The following CD99 variants were observed in gnomAD, a reference collection of about 807,000 sequenced individuals.
CD99 encodes CD99 antigen.
CD99 carries 19 observed loss-of-function variants against 28.4 expected under a neutral mutation model. That is an observed-to-expected ratio of 0.67 (90% CI 0.47 to 0.98). The LOEUF is 0.98. Ranked by LOEUF, CD99 falls within the 50% of genes least tolerant of loss-of-function variation. CD99 has a pLI of 0.00. For missense variants in CD99, 283 were observed against 248.8 expected (o/e 1.14, Z -0.92); for synonymous variants, 103 against 92.1 (o/e 1.12, Z -0.67).
chrX:2,714,371 A>C lies in CD99; in HGVS notation c.68-51A>C, dbSNP rs1197761318. On this transcript the variant is annotated intron_variant, in intron 1 of 9. Coordinates refer to ENST00000381192, the MANE Select transcript of CD99 (RefSeq NM_002414.5). ...TCTTTTTTATCTCTATAATATTCAA[A>C]TTTATTTTTATTTTTCTTGTTTCTA... 35 of 1,421,530 alleles carry C rather than the reference A, an allele frequency of 2.5e-5. No homozygotes were observed. The East Asian group carries it at 7.5e-4, about 31-fold the overall frequency. 88.1% of individuals were successfully genotyped at this position (1,421,530 alleles called of 1,614,324 possible).
At chrX:2,717,773 T>C in intron 3 of CD99, 121 bp downstream of exon 3, 2 of 808,614 alleles carry the variant, frequency 2.5e-6, no homozygotes, top group Admixed American at 4.3e-5. Context: ...GGCTGGAGTC[T>C]GGTTAATAGT....
intron 1 of CD99, chrX:2,692,253 A>G (rs2047349884): frequency 8.1e-6 from 1 of 122,734 alleles, no homozygotes. Context: ...CATGTTATAA[A>G]TTCTTTTTTC....
At chrX:2,719,921 T>C (rs2048914926) in intron 4 of CD99, among the ~76,000 whole-genome samples, 1 of 152,190 alleles carries the variant, frequency 6.6e-6, no homozygotes, top group Non-Finnish European at 1.5e-5. Context: ...CTTACAGTCT[T>C]TGGAAGGACA....
chrX:2,728,349 C>T (rs1465971059), intron 8 of CD99, among the ~76,000 whole-genome samples: 1 of 151,882 alleles, frequency 6.6e-6, no homozygotes, highest in Non-Finnish European at 1.5e-5. Context: ...ATGTGCACCA[C>T]CACGCACAGC....
At chrX:2,693,540 G>A (rs188306161) in intron 1 of CD99, among the ~76,000 whole-genome samples, 23 of 152,178 alleles carry the variant, frequency 1.5e-4, no homozygotes, top group African/African-American at 5.3e-4. Context: ...ACGTTTCATC[G>A]GGAAAGTTGA....
At chrX:2,704,396 G>GCAGTTTAAC (rs200632705) in intron 1 of CD99, among the ~76,000 whole-genome samples, 5,899 of 152,120 alleles carry the variant, frequency 0.039, 130 homozygotes, top group African/African-American at 0.056. Flanking sequence ...GGAAGTATAT[G>GCAGTTTAAC]CAGTTTAACC....
chrX:2,695,624 C>A (rs2047536565), intron 1 of CD99, among the ~76,000 whole-genome samples: 1 of 147,448 alleles, frequency 6.8e-6, no homozygotes, highest in African/African-American at 2.6e-5. Context: ...GTTGCCCAGA[C>A]TGAAAAAAAA....
At chrX:2,726,975 A>C (rs1463091047) in intron 8 of CD99, among the ~76,000 whole-genome samples, 1 of 152,068 alleles carries the variant, frequency 6.6e-6, no homozygotes, top group Non-Finnish European at 1.5e-5. Context: ...GTCTCTACTA[A>C]AAATACAAAA....
chrX:2,691,813 C>A, intron 1 of CD99: 1 of 776,214 alleles, frequency 1.3e-6, no homozygotes, highest in Non-Finnish European at 2.4e-6. Flanking sequence ...GTCTTCAGGC[C>A]GCGCGCGGAG....
chrX:2,715,047 AG>A (rs1428909835), intron 2 of CD99: 1 of 152,298 alleles, frequency 6.6e-6, no homozygotes, highest in Non-Finnish European at 1.5e-5. Context: ...CCCAGGAGAG[AG>A]GGGCATCCAG....
intron 8 of CD99, among the ~76,000 whole-genome samples, chrX:2,732,365 C>G (rs1225028686): frequency 6.6e-6 from 1 of 152,146 alleles, no homozygotes; most frequent in Non-Finnish European, 1.5e-5. Context: ...GGTCCTACTG[C>G]TCTGTTTGCC....
chrX:2,732,376 AGG>A (rs1335427041), intron 8 of CD99, among the ~76,000 whole-genome samples: 1 of 152,056 alleles, frequency 6.6e-6, no homozygotes, highest in Non-Finnish European at 1.5e-5. Context: ...TCTGTTTGCC[AGG>A]GTCCTGGGCT....
rs200690353 is a variant in CD99 at position 2,728,711 on chromosome X, C to CA, written c.475+2339dup. On this transcript the variant is annotated intron_variant, in intron 8 of 9. Transcript: ENST00000381192. ...GGAATTTTTGTTTGCTTTTCAATGA[C>CA]ATTTCTTTTTCTTTTCTGAAACTGT... Among the ~76,000 whole-genome samples, 1,455 of 152,124 alleles carry CA rather than the reference C, an allele frequency of 9.6e-3. 26 individuals are homozygous for CA. The highest frequency in any genetic ancestry group is 0.034 in the African/African-American group (1,401 of 41,516).
chrX:2,739,412 A>G (rs1245852118), intron 9 of CD99, among the ~76,000 whole-genome samples: 2 of 152,004 alleles, frequency 1.3e-5, no homozygotes, highest in African/African-American at 4.8e-5. Context: ...GCAGCTGTCA[A>G]ATTGAGAGGG....
intron 3 of CD99, 191 bp downstream of exon 3, chrX:2,717,843 T>C: frequency 1.6e-6 from 1 of 608,100 alleles, no homozygotes; most frequent in Non-Finnish European, 3.0e-6. Context: ...AAAAGAATGG[T>C]TGCTGATGTG....
At chrX:2,709,525 G>A (rs2048287242) in intron 1 of CD99, among the ~76,000 whole-genome samples, 1 of 152,260 alleles carries the variant, frequency 6.6e-6, no homozygotes. Flanking sequence ...AAACACGTGT[G>A]CACACACATG....
At chrX:2,697,572 A>T (rs979488191) in intron 1 of CD99, among the ~76,000 whole-genome samples, 3 of 152,130 alleles carry the variant, frequency 2.0e-5, no homozygotes, top group Admixed American at 1.3e-4. Flanking sequence ...CCACGAGGGG[A>T]TGCTGACCAG....
intron 8 of CD99, chrX:2,733,535 G>A (rs2049786075): frequency 1.4e-6 from 1 of 727,190 alleles, no homozygotes; most frequent in Admixed American, 2.4e-5. Context: ...CGGATTCTCT[G>A]CCTTCAGTTC....
intron 1 of CD99, among the ~76,000 whole-genome samples, chrX:2,713,176 A>T (rs972232868): frequency 9.9e-5 from 15 of 151,920 alleles, no homozygotes; most frequent in Non-Finnish European, 2.2e-4. Flanking sequence ...ACATGCACAC[A>T]TAACACCTAC....
Sources: gnomAD v4.1 joint callset for allele counts (sites outside exome capture counted in the v4.1 genomes callset) on GRCh38, gnomAD v4.1.1 for gene constraint, MANE v1.5 for transcripts, NCBI Gene and HGNC (gene_info 2026-07-23, HGNC 2026-07-21) for gene names.